GNG10: variants seen among roughly 807,000 people sequenced by gnomAD.
GNG10 encodes guanine nucleotide-binding protein G(I)/G(S)/G(O) subunit gamma-10.
GNG10 carries 7 observed loss-of-function variants against 6.8 expected under a neutral mutation model. That is an observed-to-expected ratio of 1.02 (90% CI 0.58 to 1.92). The LOEUF is 1.92. GNG10 is among the 30% of genes most tolerant of loss of function. The probability of loss-of-function intolerance (pLI) is 0.00; values close to 1 mark genes in which losing one functional copy is unlikely to be tolerated. For synonymous variants in GNG10, 28 were observed against 34.8 expected (o/e 0.80, Z 0.69); for missense variants, 57 against 86.1 (o/e 0.66, Z 1.34).
At position 111,666,882 on chromosome 9, in the gene GNG10, T is replaced by G; in HGVS notation, c.149T>G (p.Val50Gly). 1 of 1,613,994 alleles carries G rather than the reference T, an allele frequency of 6.2e-7. No individual in the cohort carries two copies. The highest frequency in any genetic ancestry group is 8.5e-7 in the Non-Finnish European group (1 of 1,179,908). The change falls in exon 2 of 3, where the codon GTG becomes GGG. Residue 50 changes from valine (V) to glycine (G), a missense_variant. Physicochemically the swap from Val to Gly is moderately radical, Grantham distance 109 (BLOSUM62 -3). Coordinates refer to ENST00000374293, the MANE Select transcript of GNG10 (RefSeq NM_001017998.4). ...MQNACKDALL[V>G]GVPAGSNPFR... ...AATGCCTGCAAGGATGCCCTGCTGG[T>G]GGGTGTTCCAGCTGGAAGTAACCCC...
chr9:111,667,685 C>G (rs373325692), intron 2 of GNG10, among the ~76,000 whole-genome samples: 148 of 152,262 alleles, frequency 9.7e-4, no homozygotes, highest in African/African-American at 3.3e-3. Flanking sequence ...ATTTCTTTCC[C>G]AATGGTTTTC....
intron 2 of GNG10, among the ~76,000 whole-genome samples, chr9:111,667,245 T>C (rs1483147737): frequency 6.6e-6 from 1 of 151,998 alleles, no homozygotes; most frequent in African/African-American, 2.4e-5. Context: ...TTCTTTCTTT[T>C]TTTTGAGACA....
At position 111,661,833 on chromosome 9, in the gene GNG10, G is replaced by C; in HGVS notation, c.81+118G>C. Reference sequence around the variant, plus strand: ...TCGGTGGCGGCGGCGAGGCCTCGGCGGGGCGCGGGGGCGGTGGGGTCCGCG... The same window carrying C: ...TCGGTGGCGGCGGCGAGGCCTCGGCCGGGCGCGGGGGCGGTGGGGTCCGCG... On this transcript the variant is annotated intron_variant, in intron 1 of 2. Transcript: ENST00000374293. This position sits in a 1 kb window ranked among gnomAD's most constrained non-coding sequence, Gnocchi z 6.1. The C allele has an allele frequency of 2.4e-6, 1 of 424,884 alleles. No individual in the cohort carries two copies. The highest frequency in any genetic ancestry group is 3.5e-6 in the Non-Finnish European group (1 of 285,142). 26.3% of individuals were successfully genotyped at this position (424,884 alleles called of 1,614,324 possible).
intron 1 of GNG10, among the ~76,000 whole-genome samples, chr9:111,666,077 T>C (rs1015014049): frequency 1.3e-5 from 2 of 152,084 alleles, no homozygotes; most frequent in African/African-American, 2.4e-5. Flanking sequence ...AGACTCTACC[T>C]CTTCGTGGAA....
chr9:111,668,858 T>A (rs139968720), intron 2 of GNG10, among the ~76,000 whole-genome samples: 20 of 151,802 alleles, frequency 1.3e-4, no homozygotes, highest in African/African-American at 4.1e-4. Context: ...CCTGTTACTT[T>A]CATTTTTTTT....
rs1052890817 is a variant in GNG10, at chr9:111,669,552, C to G, written c.*290C>G. The G allele has an allele frequency of 1.3e-5, 2 of 149,838 alleles. No homozygotes were observed. The highest frequency in any genetic ancestry group is 4.9e-5 in the African/African-American group (2 of 40,496). 9.3% of individuals were successfully genotyped at this position (149,838 alleles called of 1,614,324 possible). A position where few individuals can be genotyped will look rare whatever the true frequency, so the allele number is the denominator to read the frequency against. ...TACCACCAAACATACCAAAATGCAC[C>G]TCTTTCATAAGTGAGTTACTAAGAT... is the stretch of plus-strand genomic sequence containing the variant. On this transcript the variant is annotated 3_prime_UTR_variant, in exon 3 of 3. Transcript: ENST00000374293.
chr9:111,663,210 C>T (rs144636814), intron 1 of GNG10, among the ~76,000 whole-genome samples: 131 of 151,800 alleles, frequency 8.6e-4, no homozygotes, highest in African/African-American at 3.0e-3. Flanking sequence ...TGAGCAGGCA[C>T]GCAGATGCGC....
chr9:111,662,914 TA>T (rs1362768563), intron 1 of GNG10, among the ~76,000 whole-genome samples: 1 of 152,002 alleles, frequency 6.6e-6, no homozygotes, highest in Non-Finnish European at 1.5e-5. Flanking sequence ...TTTTTTAACT[TA>T]GGAAATGAAA....
chr9:111,665,218 G>A (rs1436990289), intron 1 of GNG10, among the ~76,000 whole-genome samples: 1 of 151,510 alleles, frequency 6.6e-6, no homozygotes, highest in South Asian at 2.1e-4. Flanking sequence ...TATTCAAAAT[G>A]CCTTTTAATG....
intron 1 of GNG10, among the ~76,000 whole-genome samples, chr9:111,665,092 A>T (rs1280578211): frequency 6.6e-6 from 1 of 152,222 alleles, no homozygotes; most frequent in East Asian, 1.9e-4. Context: ...ACTTGGTAGC[A>T]ATTGTAACAT....
intron 1 of GNG10, among the ~76,000 whole-genome samples, chr9:111,665,583 A>C (rs1349122825): frequency 6.6e-6 from 1 of 152,140 alleles, no homozygotes; most frequent in Non-Finnish European, 1.5e-5. Flanking sequence ...GACCTCCAGG[A>C]GGCTATCTTG....
rs1830975980 is a variant in GNG10, at chr9:111,670,201, T to C, written c.*939T>C. On this transcript the variant is annotated 3_prime_UTR_variant, in exon 3 of 3. Transcript: ENST00000374293. ...TGTTTGCAACGGTCTTTGAAGAGCT[T>C]GGAAATAAAATTTCTGCTTAATTAA... 1 of 152,696 alleles carries C rather than the reference T, an allele frequency of 6.5e-6. No individual in the cohort carries two copies. The highest frequency in any genetic ancestry group is 2.1e-4 in the South Asian group (1 of 4,832). The allele number at this position is 152,696 out of a possible 1,614,324, so 9.5% of individuals were successfully genotyped here.
chr9:111,665,831 A>G (rs1160432941), intron 1 of GNG10, among the ~76,000 whole-genome samples: 1 of 150,426 alleles, frequency 6.6e-6, no homozygotes, highest in Non-Finnish European at 1.5e-5. Flanking sequence ...GGTTCAAGCG[A>G]TTCTCCTGCC....
intron 1 of GNG10, among the ~76,000 whole-genome samples, chr9:111,664,541 T>G (rs912924794): frequency 6.6e-6 from 1 of 152,120 alleles, no homozygotes; most frequent in African/African-American, 2.4e-5. Context: ...CAGAAGTTGC[T>G]GGGTAAACAT....
chr9:111,665,613 C>T (rs12353546), intron 1 of GNG10, among the ~76,000 whole-genome samples: 17,647 of 152,158 alleles, frequency 0.12, 1,140 homozygotes, highest in African/African-American at 0.17. Flanking sequence ...AGATGGTTGT[C>T]TTACAGTTCC....
intron 1 of GNG10, among the ~76,000 whole-genome samples, chr9:111,665,977 G>GC (rs1384285578): frequency 3.4e-5 from 5 of 146,506 alleles, no homozygotes; most frequent in African/African-American, 5.1e-5. Flanking sequence ...CTCGTGATCT[G>GC]CCCCCGCTTG....
chr9:111,668,189 TA>T (rs1239607591), intron 2 of GNG10, among the ~76,000 whole-genome samples: 1 of 152,032 alleles, frequency 6.6e-6, no homozygotes, highest in South Asian at 2.1e-4. Flanking sequence ...GGGCATGAAT[TA>T]TTAGAGTCTT....
In GNG10 at chr9:111,661,724, C is replaced by T. The variant is rs1167599387; in HGVS notation, c.81+9C>T. 2.3e-6 allele frequency: 3 copies of T among 1,333,218 alleles called. No homozygotes were observed. Among genetic ancestry groups the T allele is most frequent in the Middle Eastern group, 2.3e-4 (1 of 4,410 alleles). The allele number at this position is 1,333,218 out of a possible 1,614,324, so 82.6% of individuals were successfully genotyped here. A position where few individuals can be genotyped will look rare whatever the true frequency, so the allele number is the denominator to read the frequency against. ...GCGTGGAGAGGATCAAGGTGCGGGC[C>T]CCGGGTACCCACGCTCCGGTCCTTC... On this transcript the variant is annotated intron_variant, in intron 1 of 2. Coordinates refer to ENST00000374293, the MANE Select transcript of GNG10 (RefSeq NM_001017998.4). This position sits in a 1 kb window ranked among gnomAD's most constrained non-coding sequence, Gnocchi z 6.1.
rs1352627638 is a variant in GNG10 at position 111,661,805 on chromosome 9, G to A, written c.81+90G>A. On this transcript the variant is annotated intron_variant, in intron 1 of 2. Coordinates refer to ENST00000374293, the MANE Select transcript of GNG10 (RefSeq NM_001017998.4). The surrounding 1 kb of genome is among the most constrained non-coding windows in gnomAD (Gnocchi z 6.1). Reference sequence around the variant, plus strand: ...CGGCCCGGACCGGGCGCCAGCGGGGGACTCGGTGGCGGCGGCGAGGCCTCG... The same window carrying A: ...CGGCCCGGACCGGGCGCCAGCGGGGAACTCGGTGGCGGCGGCGAGGCCTCG... 5.5e-6 allele frequency: 4 copies of A among 730,332 alleles called. No homozygotes were observed. The African/African-American group carries it at 7.7e-5, about 14-fold the overall frequency. The allele number at this position is 730,332 out of a possible 1,614,324, so 45.2% of individuals were successfully genotyped here. A position where few individuals can be genotyped will look rare whatever the true frequency, so the allele number is the denominator to read the frequency against.
Sources: allele counts gnomAD v4.1 joint callset (sites outside exome capture counted in the v4.1 genomes callset), GRCh38; gene constraint gnomAD v4.1.1; non-coding constraint Gnocchi (gnomAD v3.1); transcripts MANE v1.5; gene names NCBI Gene and HGNC (gene_info 2026-07-23, HGNC 2026-07-21).